Variants in UQCC1 observed in about 807,000 individuals in gnomAD.
The protein encoded by UQCC1 is bFGF-repressed Zic-binding protein.
Under a neutral mutation model 48.0 loss-of-function variants are expected in UQCC1, and 38 were observed. The observed-to-expected ratio is 0.79, with a 90% confidence interval of 0.61 to 1.04. UQCC1 has a LOEUF of 1.04. Ranked by LOEUF, UQCC1 falls within the 50% of genes least tolerant of loss-of-function variation. The pLI, the probability that UQCC1 is intolerant of heterozygous loss-of-function variation, is 0.00. For synonymous variants in UQCC1, 111 were observed against 129.2 expected, an observed-to-expected ratio of 0.86 and a Z score of 0.95; for missense variants, 368 against 381.8, an observed-to-expected ratio of 0.96 and a Z score of 0.30.
At chr20:35,402,868 C>T (rs1219881755) in intron 1 of UQCC1, among the ~76,000 whole-genome samples, 1 of 151,672 alleles carries the variant, frequency 6.6e-6, no homozygotes, top group African/African-American at 2.4e-5. Flanking sequence ...GAGTTTGCAA[C>T]CAGCCTGGGC....
chr20:35,408,429 AAAAC>A (rs1203505080), intron 1 of UQCC1, among the ~76,000 whole-genome samples: 2 of 152,216 alleles, frequency 1.3e-5, no homozygotes, highest in African/African-American at 2.4e-5. Context: ...CCTTGTCTCA[AAAAC>A]AAACAAACAA....
intron 2 of UQCC1, among the ~76,000 whole-genome samples, chr20:35,385,053 G>C (rs1374687245): frequency 6.7e-6 from 1 of 149,448 alleles, no homozygotes; most frequent in South Asian, 2.1e-4. Context: ...CAGAACTGTA[G>C]TATCTATCTA....
chr20:35,371,714 A>G (rs928158241), intron 5 of UQCC1, among the ~76,000 whole-genome samples: 13 of 151,150 alleles, frequency 8.6e-5, no homozygotes, highest in Non-Finnish European at 1.9e-4. Flanking sequence ...AAAAAAAAAA[A>G]AAAAAAACAG....
intron 5 of UQCC1, among the ~76,000 whole-genome samples, chr20:35,367,539 G>A (rs937481679): frequency 6.6e-6 from 1 of 151,948 alleles, no homozygotes; most frequent in African/African-American, 2.4e-5. Context: ...TGGGTGGATT[G>A]CTTGAGCCCA....
intron 5 of UQCC1, among the ~76,000 whole-genome samples, chr20:35,371,108 T>A (rs973546742): frequency 1.3e-5 from 2 of 152,202 alleles, no homozygotes; most frequent in Non-Finnish European, 2.9e-5. Flanking sequence ...TTTCTTAAGT[T>A]TTATAAGTAG....
intron 1 of UQCC1, among the ~76,000 whole-genome samples, chr20:35,403,375 C>T (rs1370255962): frequency 6.6e-6 from 1 of 152,094 alleles, no homozygotes; most frequent in African/African-American, 2.4e-5. Flanking sequence ...TACCCACGTC[C>T]TGGTAGGGCC....
intron 7 of UQCC1, among the ~76,000 whole-genome samples, chr20:35,327,116 T>C (rs903341848): frequency 3.2e-4 from 48 of 152,224 alleles, no homozygotes; most frequent in African/African-American, 1.0e-3. Context: ...TTGAGGTTCC[T>C]GACCCTTCAT....
intron 8 of UQCC1, among the ~76,000 whole-genome samples, chr20:35,308,945 A>G (rs1205623936): frequency 6.6e-6 from 1 of 152,088 alleles, no homozygotes; most frequent in Non-Finnish European, 1.5e-5. Flanking sequence ...CGAACTCCTG[A>G]CCTCAAGTGA....
intron 1 of UQCC1, among the ~76,000 whole-genome samples, chr20:35,396,281 G>C (rs1195008163): frequency 1.4e-5 from 2 of 138,068 alleles, no homozygotes; most frequent in East Asian, 4.4e-4. Flanking sequence ...CACTGTGCCT[G>C]GCCTTTTTTT....
At chr20:35,382,109 A>ATT in intron 3 of UQCC1, 84 bp from the exon 4 acceptor site, 5 of 747,138 alleles carry the variant, frequency 6.7e-6, no homozygotes, top group Non-Finnish European at 8.7e-6. Flanking sequence ...GTCTGAGAGC[A>ATT]TTTTTTTTTT....
chr20:35,366,438 G>GT (rs1006492923), intron 6 of UQCC1, 119 bp downstream of exon 6: 3 of 832,710 alleles, frequency 3.6e-6, no homozygotes, highest in Non-Finnish European at 5.7e-6. Context: ...GAAAGGAACA[G>GT]TTTTTAACAC....
chr20:35,340,920 G>A (rs1435129418), intron 7 of UQCC1, among the ~76,000 whole-genome samples: 1 of 152,120 alleles, frequency 6.6e-6, no homozygotes, highest in Non-Finnish European at 1.5e-5. Context: ...TAATGCCTTT[G>A]TTAGTTTAGA....
chr20:35,411,730 TC>T (rs1329178077), intron 1 of UQCC1, among the ~76,000 whole-genome samples: 1 of 152,104 alleles, frequency 6.6e-6, no homozygotes, highest in African/African-American at 2.4e-5. Flanking sequence ...ATGTCAGTCT[TC>T]CCCTTCTCGA....
chr20:35,321,252 CTGTGTGTGTGTGTGTGTG>C (rs58532328), intron 7 of UQCC1, among the ~76,000 whole-genome samples: 2 of 147,224 alleles, frequency 1.4e-5, no homozygotes, highest in South Asian at 2.2e-4. Context: ...ACAAACAAAA[CTGTGTGTGTGTGTGTGTG>C]TGTGTGTGTG....
At chr20:35,365,655 T>A (rs1247869617) in intron 6 of UQCC1, among the ~76,000 whole-genome samples, 52 of 119,024 alleles carry the variant, frequency 4.4e-4, no homozygotes, top group African/African-American at 5.2e-4. Flanking sequence ...AGACTATGTC[T>A]AAAAAAAAAA....
At chr20:35,340,816 A>C (rs1158073208) in intron 7 of UQCC1, among the ~76,000 whole-genome samples, 2 of 152,224 alleles carry the variant, frequency 1.3e-5, no homozygotes, top group Non-Finnish European at 2.9e-5. Flanking sequence ...GAGGTCTGAA[A>C]ATTTTTGTAG....
intron 7 of UQCC1, among the ~76,000 whole-genome samples, chr20:35,332,309 GCTCT>G (rs1388728072): frequency 6.6e-6 from 1 of 152,222 alleles, no homozygotes. Flanking sequence ...AGGGAACAGA[GCTCT>G]CTCTGGGTAA....
At chr20:35,369,688 G>C (rs751873919) in intron 5 of UQCC1, among the ~76,000 whole-genome samples, 12 of 152,128 alleles carry the variant, frequency 7.9e-5, no homozygotes, top group Non-Finnish European at 1.8e-4. Flanking sequence ...TAAGATTTTT[G>C]TGAGAATGAG....
chr20:35,344,384 T>G (rs187060651), intron 7 of UQCC1: 1 of 152,494 alleles, frequency 6.6e-6, no homozygotes, highest in Non-Finnish European at 1.5e-5. Context: ...TATGGCTCAT[T>G]AAGCTATTCA....
Sources: gnomAD v4.1 joint callset for allele counts (sites outside exome capture counted in the v4.1 genomes callset) on GRCh38, gnomAD v4.1.1 for gene constraint, MANE v1.5 for transcripts, NCBI Gene and HGNC (gene_info 2026-07-23, HGNC 2026-07-21) for gene names.